Variants in ABCC1 observed in about 807,000 individuals in gnomAD.
The protein encoded by ABCC1 is multidrug resistance-associated protein 1.
In ABCC1, 83 loss-of-function variants were observed where a neutral mutation model predicts 172.9. The ratio of observed to expected loss-of-function variants is 0.48; its 90% CI spans 0.40 to 0.58. The LOEUF (loss-of-function observed/expected upper bound fraction) is 0.58, where lower values mean the gene tolerates loss of function less well. Among genes scored for constraint, ABCC1 ranks in the 20% least tolerant of loss-of-function variants. ABCC1 has a pLI of 0.00. For missense variants in ABCC1, 1,817 were observed against 2,002.7 expected, an observed-to-expected ratio of 0.91 and a Z score of 1.77; for synonymous variants, 937 against 825.2, an observed-to-expected ratio of 1.14 and a Z score of -2.32.
intron 13 of ABCC1, among the ~76,000 whole-genome samples, chr16:16,069,737 A>G (rs1463453502): frequency 1.3e-5 from 2 of 152,098 alleles, no homozygotes; most frequent in African/African-American, 2.4e-5. Context: ...GAAAAAGAAA[A>G]AAAAAGCCAA....
intron 1 of ABCC1, among the ~76,000 whole-genome samples, chr16:15,988,682 C>T (rs1190961879): frequency 6.6e-6 from 1 of 152,112 alleles, no homozygotes; most frequent in African/African-American, 2.4e-5. Flanking sequence ...GGGGTGAAAG[C>T]AGGTTGGAAC....
At position 16,044,564 on chromosome 16, in the gene ABCC1, G is replaced by T; in HGVS notation, c.924G>T (p.Glu308Asp). 6.2e-7 allele frequency: 1 copy of T among 1,614,194 alleles called. No individual in the cohort carries two copies. The highest frequency in any genetic ancestry group is 1.7e-5 in the Admixed American group (1 of 60,008). The change falls in exon 8 of 31, where the codon GAG becomes GAT. Residue 308 changes from glutamate to aspartate, a missense_variant. Glu to Asp is a conservative substitution (Grantham distance 45). Around this residue, in one of 3 missense-constraint regions of ABCC1, gnomAD observed 398 missense variants for 384.2 expected, o/e 1.04. Coordinates refer to ENST00000399410, the MANE Select transcript of ABCC1 (RefSeq NM_004996.4). ...TGATCGTCAAGTCCCCACAGAAGGA[G>T]TGGAACCCCTCTCTGTTTAAGGTGT... Reference protein sequence around the residue: ...EALIVKSPQKEWNPSLFKVLY... With the variant: ...EALIVKSPQKDWNPSLFKVLY...
chr16:16,105,192 A>G (rs943173519), intron 20 of ABCC1, among the ~76,000 whole-genome samples: 18 of 152,216 alleles, frequency 1.2e-4, no homozygotes, highest in Non-Finnish European at 1.8e-4. Context: ...TCACTTCTCA[A>G]TCTTACACAG....
chr16:16,050,675 T>G (rs1483238050), intron 10 of ABCC1, among the ~76,000 whole-genome samples: 1 of 147,064 alleles, frequency 6.8e-6, no homozygotes, highest in Admixed American at 7.0e-5. Flanking sequence ...GAAGGATTGC[T>G]TGAAGCCAGG....
intron 13 of ABCC1, 24 bp from the exon 14 acceptor site, chr16:16,071,618 C>T (rs769928915): frequency 3.1e-6 from 5 of 1,606,590 alleles, no homozygotes; most frequent in Non-Finnish European, 4.3e-6. Flanking sequence ...AAATAACTCT[C>T]CCCTGCCATT....
At chr16:16,140,775 T>C (rs2046099368) in intron 30 of ABCC1, among the ~76,000 whole-genome samples, 1 of 152,246 alleles carries the variant, frequency 6.6e-6, no homozygotes, top group African/African-American at 2.4e-5. Context: ...CAGAGATGCG[T>C]AGTTGTAACA....
At chr16:16,038,067 TGATA>T (rs1269138667) in intron 7 of ABCC1, among the ~76,000 whole-genome samples, 1 of 147,964 alleles carries the variant, frequency 6.8e-6, no homozygotes, top group Non-Finnish European at 1.5e-5. Flanking sequence ...GATGGATAGA[TGATA>T]GATAGATGGA....
intron 23 of ABCC1, among the ~76,000 whole-genome samples, chr16:16,117,917 A>G (rs2044967347): frequency 6.6e-6 from 1 of 152,086 alleles, no homozygotes. Context: ...AAAAAAACAG[A>G]GAAGTTTCTG....
At chr16:16,135,329 C>T (rs966031502) in intron 28 of ABCC1, among the ~76,000 whole-genome samples, 1 of 152,212 alleles carries the variant, frequency 6.6e-6, no homozygotes, top group African/African-American at 2.4e-5. Flanking sequence ...CATCTGTCCC[C>T]ACTTATGGAG....
chr16:16,000,371 C>CT (rs35727154), intron 1 of ABCC1, among the ~76,000 whole-genome samples: 75,162 of 151,458 alleles, frequency 0.5, 19,496 homozygotes, highest in Non-Finnish European at 0.59. Flanking sequence ...TTTTGAACTC[C>CT]TGGGCTCAAG....
At chr16:16,056,390 G>T in intron 12 of ABCC1, 95 bp downstream of exon 12, 2 of 1,387,628 alleles carry the variant, frequency 1.4e-6, no homozygotes, top group South Asian at 2.6e-5. Context: ...TGTTGCCCAG[G>T]TGCAGTGGCT....
chr16:16,084,234 C>G (rs1016089254), intron 17 of ABCC1, among the ~76,000 whole-genome samples: 1 of 152,122 alleles, frequency 6.6e-6, no homozygotes, highest in Non-Finnish European at 1.5e-5. Context: ...TCCTGAGGGG[C>G]TGGAATTACA....
intron 1 of ABCC1, among the ~76,000 whole-genome samples, chr16:15,967,180 TGG>T (rs1001977296): frequency 2.0e-5 from 3 of 151,918 alleles, no homozygotes; most frequent in Non-Finnish European, 4.4e-5. Context: ...GCCATGGGGA[TGG>T]GGTGGAGGAG....
chr16:15,964,535 A>G (rs909973595), intron 1 of ABCC1, among the ~76,000 whole-genome samples: 1 of 152,186 alleles, frequency 6.6e-6, no homozygotes, highest in Admixed American at 6.5e-5. Flanking sequence ...GAGCCAGACC[A>G]TATCAGTAAT....
In ABCC1 at chr16:16,141,314, A is replaced by C; in HGVS notation, c.*33A>C. On this transcript the variant is annotated 3_prime_UTR_variant, in exon 31 of 31. Coordinates refer to ENST00000399410, the MANE Select transcript of ABCC1 (RefSeq NM_004996.4). ...AGCTGGCATATCTGGTCAGAACTGC[A>C]GGGCCTATATGCCAGCGCCCAGGGA... The C allele has an allele frequency of 6.3e-7, 1 of 1,598,094 alleles. No homozygotes were observed. The highest frequency in any genetic ancestry group is 8.6e-7 in the Non-Finnish European group (1 of 1,166,124).
At chr16:16,082,743 G>T (rs2050853961) in intron 16 of ABCC1, among the ~76,000 whole-genome samples, 1 of 152,150 alleles carries the variant, frequency 6.6e-6, no homozygotes, top group Non-Finnish European at 1.5e-5. Context: ...CATTTCCTGG[G>T]CTCAGGTGAT....
intron 1 of ABCC1, among the ~76,000 whole-genome samples, chr16:15,954,252 C>A (rs1341293209): frequency 6.6e-6 from 1 of 152,142 alleles, no homozygotes; most frequent in African/African-American, 2.4e-5. Flanking sequence ...TGGTCTTGAA[C>A]TCCTGACCTC....
At chr16:16,131,714 G>A (rs922498749) in intron 26 of ABCC1, 75 bp from the exon 27 acceptor site, 11 of 1,536,936 alleles carry the variant, frequency 7.2e-6, no homozygotes, top group Admixed American at 1.9e-5. Flanking sequence ...GTGAGTGAGA[G>A]GGGAGGTCAG....
chr16:16,103,660 A>C (rs1207074344), intron 20 of ABCC1, among the ~76,000 whole-genome samples: 3 of 152,198 alleles, frequency 2.0e-5, no homozygotes, highest in Non-Finnish European at 4.4e-5. Context: ...TCGGAGCCTA[A>C]ACGTATCAGA....
Sources: gnomAD v4.1 joint callset for allele counts (sites outside exome capture counted in the v4.1 genomes callset) on GRCh38, gnomAD v4.1.1 for gene constraint, gnomAD v4.1.1 regional missense constraint, MANE v1.5 for transcripts, NCBI Gene and HGNC (gene_info 2026-07-23, HGNC 2026-07-21) for gene names.